The following ZNF804A variants were observed in gnomAD, a reference collection of about 807,000 sequenced individuals.
ZNF804A encodes the protein zinc finger protein 804A.
Under a neutral mutation model 16.5 loss-of-function variants are expected in ZNF804A, and 2 were observed. That is an observed-to-expected ratio of 0.12 (90% CI 0.05 to 0.38). The LOEUF is 0.38. Ranked by LOEUF, ZNF804A falls within the 10% of genes least tolerant of loss-of-function variation. The probability of loss-of-function intolerance (pLI) is 0.99; values close to 1 mark genes in which losing one functional copy is unlikely to be tolerated. For missense variants in ZNF804A, 1,473 were observed against 1,390.7 expected (o/e 1.06, Z -0.94); for synonymous variants, 534 against 489.6 (o/e 1.09, Z -1.20).
At chr2:184,932,769 A>T (rs1020557523) in intron 2 of ZNF804A, among the ~76,000 whole-genome samples, 7 of 152,198 alleles carry the variant, frequency 4.6e-5, no homozygotes. Context: ...GTGGCACAAG[A>T]TAACTTTGAT....
intron 1 of ZNF804A, among the ~76,000 whole-genome samples, chr2:184,628,109 G>A (rs1334434238): frequency 6.6e-6 from 1 of 152,156 alleles, no homozygotes; most frequent in Non-Finnish European, 1.5e-5. Context: ...CAGGTCTGGA[G>A]TTGGAGACCA....
At chr2:184,644,701 T>C (rs1691845507) in intron 1 of ZNF804A, among the ~76,000 whole-genome samples, 1 of 152,014 alleles carries the variant, frequency 6.6e-6, no homozygotes, top group African/African-American at 2.4e-5. Flanking sequence ...ATGAAAGCAT[T>C]ACAAGGCATG....
chr2:184,728,387 G>A lies in ZNF804A; in HGVS notation c.111+129317G>A, dbSNP rs77715599. The stretch of plus-strand genomic sequence containing the variant: ...ATATTTTGATGTTTTTAATCACAAT[G>A]AGTAAGAAAACTCAGATCATTAAAT... On this transcript the variant is annotated intron_variant, in intron 1 of 3. Coordinates refer to ENST00000302277, the MANE Select transcript of ZNF804A (RefSeq NM_194250.2). Among the ~76,000 whole-genome samples the A allele has an allele frequency of 1.2e-3, 183 of 151,932 alleles. 6 individuals carry two copies. In the East Asian group the frequency reaches 0.031, roughly 25 times the overall value.
At chr2:184,915,693 C>G (rs1315426574) in intron 2 of ZNF804A, among the ~76,000 whole-genome samples, 1 of 151,994 alleles carries the variant, frequency 6.6e-6, no homozygotes, top group Non-Finnish European at 1.5e-5. Context: ...TATATTAGAA[C>G]TAGAATGAGA....
intron 1 of ZNF804A, among the ~76,000 whole-genome samples, chr2:184,757,157 T>A (rs1693971396): frequency 6.6e-6 from 1 of 152,036 alleles, no homozygotes; most frequent in East Asian, 1.9e-4. Flanking sequence ...CGTGACCACA[T>A]CTTTAATATT....
At chr2:184,797,218 G>A (rs1166370877) in intron 1 of ZNF804A, among the ~76,000 whole-genome samples, 4 of 152,164 alleles carry the variant, frequency 2.6e-5, no homozygotes, top group Admixed American at 2.0e-4. Flanking sequence ...AGTGCCATCA[G>A]TGGAGTATTG....
At chr2:184,609,552 A>G (rs1354483824) in intron 1 of ZNF804A, among the ~76,000 whole-genome samples, 1 of 152,240 alleles carries the variant, frequency 6.6e-6, no homozygotes, top group African/African-American at 2.4e-5. Context: ...CTTATTTCTC[A>G]GAATTCTGGA....
chr2:184,927,269 T>C (rs1251104889), intron 2 of ZNF804A, among the ~76,000 whole-genome samples: 1 of 152,240 alleles, frequency 6.6e-6, no homozygotes, highest in Non-Finnish European at 1.5e-5. Flanking sequence ...TCCAAGGTCT[T>C]GGACAAGATC....
At chr2:184,829,369 A>G (rs1223354685) in intron 1 of ZNF804A, among the ~76,000 whole-genome samples, 1 of 152,024 alleles carries the variant, frequency 6.6e-6, no homozygotes, top group Non-Finnish European at 1.5e-5. Flanking sequence ...AGAAGACATT[A>G]AATGGCCTTT....
intron 1 of ZNF804A, among the ~76,000 whole-genome samples, chr2:184,797,565 C>A (rs577650066): frequency 1.3e-5 from 2 of 152,166 alleles, no homozygotes; most frequent in African/African-American, 2.4e-5. Flanking sequence ...TTTGTGAGTT[C>A]TTTTCCATTC....
At chr2:184,931,508 G>A (rs1238014903) in intron 2 of ZNF804A, among the ~76,000 whole-genome samples, 1 of 152,120 alleles carries the variant, frequency 6.6e-6, no homozygotes, top group East Asian at 1.9e-4. Context: ...CTGTACATTG[G>A]CCCTTTTTAT....
intron 1 of ZNF804A, among the ~76,000 whole-genome samples, chr2:184,812,255 A>G (rs1694912646): frequency 6.6e-6 from 1 of 152,186 alleles, no homozygotes; most frequent in African/African-American, 2.4e-5. Context: ...TGCTGTCTCT[A>G]GTTCGCCAAC....
At chr2:184,736,269 T>C (rs535986252) in intron 1 of ZNF804A, among the ~76,000 whole-genome samples, 2 of 152,212 alleles carry the variant, frequency 1.3e-5, no homozygotes, top group Non-Finnish European at 2.9e-5. Context: ...CAATTTTGTC[T>C]ACTGCCCTTT....
chr2:184,602,187 G>C (rs1172292805), intron 1 of ZNF804A, among the ~76,000 whole-genome samples: 2 of 151,802 alleles, frequency 1.3e-5, no homozygotes, highest in Non-Finnish European at 3.0e-5. Flanking sequence ...TGTTAATGTT[G>C]ACCCTATTTA....
At chr2:184,770,698 A>G (rs1694196422) in intron 1 of ZNF804A, among the ~76,000 whole-genome samples, 1 of 152,056 alleles carries the variant, frequency 6.6e-6, no homozygotes, top group Non-Finnish European at 1.5e-5. Context: ...GGCTAATATA[A>G]TGTGATAGTT....
intron 1 of ZNF804A, among the ~76,000 whole-genome samples, chr2:184,733,315 T>A (rs575144886): frequency 6.6e-6 from 1 of 152,326 alleles, no homozygotes; most frequent in South Asian, 2.1e-4. Flanking sequence ...AACCTGTTGA[T>A]GTAATAGATT....
rs547224237 is a variant in ZNF804A at position 184,652,971 on chromosome 2, C to T, written c.111+53901C>T. Among the ~76,000 whole-genome samples, 9 of 152,240 alleles carry T rather than the reference C, an allele frequency of 5.9e-5. No homozygotes were observed. In the South Asian group the frequency reaches 1.9e-3, roughly 32 times the overall value. On this transcript the variant is annotated intron_variant, in intron 1 of 3. Coordinates refer to ENST00000302277, the MANE Select transcript of ZNF804A (RefSeq NM_194250.2). Reference sequence around the variant, plus strand: ...TAGGTTTCCTGAGGCCTACTCAGCCCTTCAGAACTGTGAGTCAATTAAACC... The same window carrying T: ...TAGGTTTCCTGAGGCCTACTCAGCCTTTCAGAACTGTGAGTCAATTAAACC...
At chr2:184,672,427 C>A (rs537861863) in intron 1 of ZNF804A, among the ~76,000 whole-genome samples, 2 of 152,122 alleles carry the variant, frequency 1.3e-5, no homozygotes, top group Admixed American at 6.5e-5. Flanking sequence ...CCATGCCCTA[C>A]GTTTCTAACA....
At chr2:184,768,866 G>C (rs1185906226) in intron 1 of ZNF804A, among the ~76,000 whole-genome samples, 1 of 151,962 alleles carries the variant, frequency 6.6e-6, no homozygotes, top group Admixed American at 6.6e-5. Context: ...TAGCAAAGCA[G>C]ATCTTTAAAA....
Sources: allele counts gnomAD v4.1 joint callset (sites outside exome capture counted in the v4.1 genomes callset), GRCh38; gene constraint gnomAD v4.1.1; transcripts MANE v1.5; gene names NCBI Gene and HGNC (gene_info 2026-07-23, HGNC 2026-07-21).